VPS13D: variants seen among roughly 807,000 people sequenced by gnomAD.
VPS13D encodes intermembrane lipid transfer protein VPS13D.
In VPS13D, 187 loss-of-function variants were observed where a neutral mutation model predicts 461.9. The ratio of observed to expected loss-of-function variants is 0.40; its 90% CI spans 0.36 to 0.46. VPS13D has a LOEUF of 0.46. Ranked by LOEUF, VPS13D falls within the 20% of genes least tolerant of loss-of-function variation. VPS13D has a pLI of 0.60. For synonymous variants in VPS13D, 1,951 were observed against 1,986.3 expected, an observed-to-expected ratio of 0.98 and a Z score of 0.47; for missense variants, 4,711 against 5,364.9, an observed-to-expected ratio of 0.88 and a Z score of 3.81.
chr1:12,436,024 T>C lies in VPS13D; in HGVS notation c.12333+19197T>C, dbSNP rs147354857. Among the ~76,000 whole-genome samples, 5 of 152,352 alleles carry C rather than the reference T, an allele frequency of 3.3e-5. No individual in the cohort carries two copies. In the East Asian group the frequency reaches 9.6e-4, roughly 29 times the overall value. On this transcript the variant is annotated intron_variant, in intron 65 of 69. Transcript: ENST00000620676. Reference sequence around the variant, plus strand: ...AAGCATAACCTCATGTTAACAGGTCTATTTATTGTGTCTCTAGAGCAAGTT... The same window carrying C: ...AAGCATAACCTCATGTTAACAGGTCCATTTATTGTGTCTCTAGAGCAAGTT...
At chr1:12,391,984 C>T (rs1171782920) in intron 60 of VPS13D, among the ~76,000 whole-genome samples, 2 of 151,938 alleles carry the variant, frequency 1.3e-5, no homozygotes, top group Admixed American at 1.3e-4. Context: ...CGTCAGCCTC[C>T]CAAGTAGCTG....
intron 61 of VPS13D, among the ~76,000 whole-genome samples, chr1:12,400,662 A>G (rs1198843000): frequency 2.0e-5 from 3 of 152,132 alleles, no homozygotes; most frequent in Non-Finnish European, 2.9e-5. Flanking sequence ...TTAAAAATAG[A>G]ATAACCCCAG....
chr1:12,326,243 C>G (rs1643181450), intron 35 of VPS13D, among the ~76,000 whole-genome samples: 1 of 125,134 alleles, frequency 8.0e-6, no homozygotes, highest in African/African-American at 3.0e-5. Context: ...GTTTACTTTT[C>G]CTATGCTTTT....
intron 46 of VPS13D, among the ~76,000 whole-genome samples, chr1:12,351,757 G>T (rs1279863081): frequency 1.4e-5 from 2 of 145,538 alleles, no homozygotes; most frequent in Non-Finnish European, 3.0e-5. Flanking sequence ...ACAACCGGCT[G>T]ATTTTTGTAT....
intron 60 of VPS13D, among the ~76,000 whole-genome samples, chr1:12,387,044 C>T (rs1644359111): frequency 6.6e-6 from 1 of 152,098 alleles, no homozygotes; most frequent in African/African-American, 2.4e-5. Context: ...AGTATTTAGC[C>T]AAGTATTAGT....
At chr1:12,364,313 A>G (rs1219945355) in intron 52 of VPS13D, among the ~76,000 whole-genome samples, 1 of 151,986 alleles carries the variant, frequency 6.6e-6, no homozygotes, top group Non-Finnish European at 1.5e-5. Context: ...ATCATACGGT[A>G]TTTGTCTTTT....
intron 49 of VPS13D, among the ~76,000 whole-genome samples, chr1:12,357,391 G>T (rs1557730344): frequency 6.6e-6 from 1 of 152,212 alleles, no homozygotes; most frequent in African/African-American, 2.4e-5. Context: ...AGCCAGCCCA[G>T]TCTCATTCTT....
chr1:12,469,069 A>G (rs913672981), intron 67 of VPS13D, among the ~76,000 whole-genome samples: 1 of 151,894 alleles, frequency 6.6e-6, no homozygotes, highest in African/African-American at 2.4e-5. Context: ...CTTTTGTTAT[A>G]TTGGGCTTAT....
chr1:12,290,468 A>T (rs1413892414), intron 22 of VPS13D, among the ~76,000 whole-genome samples: 1 of 152,120 alleles, frequency 6.6e-6, no homozygotes, highest in African/African-American at 2.4e-5. Context: ...CACACCTGTA[A>T]TCCTAGCATT....
chr1:12,276,760 C>G lies in VPS13D; in HGVS notation c.3172C>G (p.Leu1058Val), dbSNP rs144898988. 1,407 of 1,614,190 alleles carry G rather than the reference C, an allele frequency of 8.7e-4. 7 individuals carry two copies. The African/African-American group carries it at 0.017, about 19-fold the overall frequency. Residue 1058 changes from leucine (L) to valine (V), a missense_variant, in exon 19 of 70, where the codon CTG (leucine) becomes GTG (valine). By Grantham distance (32) the Leu-to-Val change is conservative (BLOSUM62 1). Transcript: ENST00000620676. The surrounding 1 kb of genome is among the most constrained non-coding windows in gnomAD (Gnocchi z 4.5). ...GGCCCACTTAACTGATGGAGCTACA[C>G]TGAACGACCGATCAGCTACTAGTGT... ...NVAHLTDGAT[L>V]NDRSATSVSL...
In VPS13D at chr1:12,378,548, G is replaced by A; in HGVS notation, c.11038G>A (p.Ala3680Thr). ...AGCCGCCCGCTCCACCGAGGGGTCT[G>A]CCATCTTAGATATTGCTGGTCTCGC... The part of the protein sequence containing the change: ...PSAARSTEGS[A>T]ILDIAGLAAV... Residue 3680 changes from alanine to threonine, a missense_variant, in exon 56 of 70, where the codon GCC (alanine) becomes ACC (threonine). Coordinates refer to ENST00000620676, the MANE Select transcript of VPS13D (RefSeq NM_015378.4). 1 of 1,609,084 alleles carries A rather than the reference G, an allele frequency of 6.2e-7. No homozygotes were observed. Among genetic ancestry groups the A allele is most frequent in the Non-Finnish European group, 8.5e-7 (1 of 1,177,704 alleles).
Position 12,268,727 on chromosome 1 carries a change from T to C in VPS13D, c.1823T>C (p.Val608Ala). Residue 608 changes from valine to alanine, a missense_variant, in exon 16 of 70, where the codon GTT (valine) becomes GCT (alanine). This residue lies in a region of VPS13D where 4,411 missense variants were observed against 4,937.8 expected (regional missense o/e 0.89). Transcript: ENST00000620676. ...HYPAADPDGP[V>A]FEMLYERNPA... ...TTAGCTGCAGATCCAGATGGCCCCG[T>C]TTTTGAGATGCTGTATGAGAGAAAT... 6.2e-7 allele frequency: 1 copy of C among 1,613,404 alleles called. No homozygotes were observed. Among genetic ancestry groups the C allele is most frequent in the Non-Finnish European group, 8.5e-7 (1 of 1,179,760 alleles).
intron 35 of VPS13D, among the ~76,000 whole-genome samples, chr1:12,326,308 G>T (rs1400198822): frequency 1.5e-4 from 16 of 107,654 alleles, no homozygotes; most frequent in African/African-American, 2.2e-4. Context: ...TTAAAGTTCT[G>T]AGAACCTTTT....
At chr1:12,307,522 A>T (rs757820347) in intron 26 of VPS13D, among the ~76,000 whole-genome samples, 1 of 151,940 alleles carries the variant, frequency 6.6e-6, no homozygotes. Flanking sequence ...TTTGAGATGG[A>T]GTCTTGTTCT....
intron 65 of VPS13D, among the ~76,000 whole-genome samples, chr1:12,419,978 A>T (rs1430130901): frequency 6.6e-6 from 1 of 152,222 alleles, no homozygotes; most frequent in Non-Finnish European, 1.5e-5. Flanking sequence ...GAGTAAAAGT[A>T]TGGTATTATA....
intron 5 of VPS13D, among the ~76,000 whole-genome samples, chr1:12,247,561 A>G (rs976731267): frequency 1.3e-5 from 2 of 152,232 alleles, no homozygotes; most frequent in South Asian, 2.1e-4. Context: ...ATTGTGTACT[A>G]GTGGGTGTGA....
At chr1:12,451,519 C>G (rs573263001) in intron 65 of VPS13D, among the ~76,000 whole-genome samples, 1 of 152,312 alleles carries the variant, frequency 6.6e-6, no homozygotes, top group Admixed American at 6.5e-5. Context: ...ACAACATGCA[C>G]TTGAAGCCTT....
chr1:12,459,462 A>G (rs2100411421), intron 66 of VPS13D, among the ~76,000 whole-genome samples: 1 of 151,236 alleles, frequency 6.6e-6, no homozygotes, highest in East Asian at 2.0e-4. Context: ...TCTCTGCCTT[A>G]GATATCTTTC....
intron 52 of VPS13D, among the ~76,000 whole-genome samples, chr1:12,366,647 G>A (rs1411936612): frequency 1.3e-5 from 2 of 152,228 alleles, no homozygotes; most frequent in South Asian, 2.1e-4. Context: ...TGGTTTTAAC[G>A]GGCAGTCCTA....
Sources: allele counts gnomAD v4.1 joint callset (sites outside exome capture counted in the v4.1 genomes callset), GRCh38; gene constraint gnomAD v4.1.1; regional missense constraint gnomAD v4.1.1; non-coding constraint Gnocchi (gnomAD v3.1); transcripts MANE v1.5; gene names NCBI Gene and HGNC (gene_info 2026-07-23, HGNC 2026-07-21).